SRP19: variants seen among roughly 807,000 people sequenced by gnomAD.
SRP19 encodes the protein signal recognition particle 19.
SRP19 carries 11 observed loss-of-function variants against 22.4 expected under a neutral mutation model. That is an observed-to-expected ratio of 0.49 (90% confidence interval 0.31 to 0.81). SRP19 has a LOEUF of 0.81. SRP19 is among the 40% of genes least tolerant of loss of function. The probability of loss-of-function intolerance (pLI) is 0.05; values close to 1 mark genes in which losing one functional copy is unlikely to be tolerated. For missense variants in SRP19, 168 were observed against 175.9 expected (o/e 0.96, Z 0.25); for synonymous variants, 61 against 57.6 (o/e 1.06, Z -0.27).
At chr5:112,895,459 A>G (rs1302973993), downstream of SRP19, 1 of 148,574 alleles carries the variant, frequency 6.7e-6, no homozygotes, top group African/African-American at 2.6e-5. Flanking sequence ...CCAACCCTTC[A>G]GCAATCCAGA....
intron 4 of SRP19, among the ~76,000 whole-genome samples, chr5:112,880,393 G>T (rs893445104): frequency 3.9e-5 from 6 of 152,168 alleles, no homozygotes; most frequent in African/African-American, 1.4e-4. Flanking sequence ...AAGCCTCCAG[G>T]GCCCACTGTG....
chr5:112,873,448 G>C (rs562039853), downstream of SRP19, among the ~76,000 whole-genome samples: 3 of 149,310 alleles, frequency 2.0e-5, no homozygotes, highest in South Asian at 6.4e-4. Flanking sequence ...CTGGGTTCAA[G>C]CGATTCTCCT....
exon 5 of SRP19, chr5:112,891,904 G>A: frequency 1.5e-6 from 2 of 1,316,596 alleles, no homozygotes; most frequent in Non-Finnish European, 2.2e-6. Flanking sequence ...GAAGGCACAA[G>A]AAGAATTCAG....
downstream of SRP19, among the ~76,000 whole-genome samples, chr5:112,871,035 G>C (rs2150029164): frequency 6.6e-6 from 1 of 152,148 alleles, no homozygotes; most frequent in East Asian, 1.9e-4. Context: ...GTAGTTTTTA[G>C]TAAAGATGGG....
At chr5:112,874,152 T>C (rs1480563605), downstream of SRP19, among the ~76,000 whole-genome samples, 1 of 151,922 alleles carries the variant, frequency 6.6e-6, no homozygotes, top group East Asian at 1.9e-4. Context: ...GGTGACAGAG[T>C]GAGTCCTTGT....
intron 4 of SRP19, among the ~76,000 whole-genome samples, chr5:112,886,559 G>A (rs1278640547): frequency 2.6e-5 from 4 of 152,168 alleles, no homozygotes; most frequent in African/African-American, 9.7e-5. Context: ...TTCAAGTAAA[G>A]ATCAAGAATT....
In SRP19 at chr5:112,878,852, A is replaced by T. The variant is rs1439203844; in HGVS notation, c.302-12751A>T. 2.5e-6 allele frequency: 4 copies of T among 1,613,728 alleles called. No individual in the cohort carries two copies. The African/African-American group carries it at 5.3e-5, about 22-fold the overall frequency. On this transcript the variant is annotated intron_variant, in intron 4 of 4. Coordinates refer to the SRP19 transcript ENST00000391338. ...CTTTCTTCGCTGTTTGTTTGTTAGG[A>T]GGGAAAGAAAAATATATCAAAGCTC... is the stretch of plus-strand genomic sequence containing the variant.
exon 5 of SRP19, chr5:112,892,535 G>T: frequency 6.2e-7 from 1 of 1,614,212 alleles, no homozygotes; most frequent in Non-Finnish European, 8.5e-7. Flanking sequence ...TGGTATGCAG[G>T]ACGACAGCTG....
At chr5:112,897,248 A>G (rs909439278), downstream of SRP19, 1 of 152,094 alleles carries the variant, frequency 6.6e-6, no homozygotes, top group Non-Finnish European at 1.5e-5. Context: ...GTTTTTATTT[A>G]TATACACAGA....
At chr5:112,897,419 G>A (rs1768726198), downstream of SRP19, 1 of 150,448 alleles carries the variant, frequency 6.6e-6, no homozygotes, top group Non-Finnish European at 1.5e-5. Flanking sequence ...GGACAACAAG[G>A]ACTTTGTTTT....
downstream of SRP19, chr5:112,893,737 GCA>G (rs1768581012): frequency 6.6e-6 from 1 of 152,232 alleles, no homozygotes; most frequent in African/African-American, 2.4e-5. Context: ...TCAGCCTTCT[GCA>G]CACACACAAT....
chr5:112,895,497 T>TAAGGC (rs1554093828), downstream of SRP19: 1 of 151,292 alleles, frequency 6.6e-6, no homozygotes, highest in African/African-American at 2.4e-5. Flanking sequence ...CTGGATGAAT[T>TAAGGC]AAGTGTCCAC....
At chr5:112,870,277 A>G (rs1767728608), downstream of SRP19, among the ~76,000 whole-genome samples, 2 of 152,112 alleles carry the variant, frequency 1.3e-5, no homozygotes, top group Admixed American at 1.3e-4. Context: ...ACTGAAGTCC[A>G]GGAAGTCGGG....
rs148613071 is a variant in SRP19, at chr5:112,869,256, A to G, written c.*1719A>G. 16 of 152,260 alleles carry G rather than the reference A, an allele frequency of 1.1e-4. No individual in the cohort carries two copies. In the East Asian group the frequency reaches 2.9e-3, roughly 28 times the overall value. The allele number at this position is 152,260 out of a possible 1,614,324, so 9.4% of individuals were successfully genotyped here. A position where few individuals can be genotyped will look rare whatever the true frequency, so the allele number is the denominator to read the frequency against. ...CTTTATGATTATTGTTCCTGCTTGT[A>G]AAAGGGCTGATATTTACATGAGTGC... is the stretch of plus-strand genomic sequence containing the variant. On this transcript the variant is annotated 3_prime_UTR_variant, in exon 5 of 5. Transcript: ENST00000505459.
chr5:112,873,501 C>G (rs1002298684), downstream of SRP19, among the ~76,000 whole-genome samples: 3 of 151,778 alleles, frequency 2.0e-5, no homozygotes, highest in Non-Finnish European at 4.4e-5. Flanking sequence ...CATGCGGCAT[C>G]AAGCCTGGCT....
downstream of SRP19, chr5:112,896,186 G>C (rs1054199514): frequency 2.6e-5 from 4 of 152,634 alleles, no homozygotes; most frequent in African/African-American, 9.6e-5. Context: ...CGTGTTAAAG[G>C]AAAGATTTCC....
At chr5:112,880,052 C>G (rs755387160) in intron 4 of SRP19, among the ~76,000 whole-genome samples, 1 of 152,104 alleles carries the variant, frequency 6.6e-6, no homozygotes, top group African/African-American at 2.4e-5. Flanking sequence ...TGCCACCATT[C>G]TCTCCTATGA....
chr5:112,873,266 GTTT>G (rs368480211), downstream of SRP19, among the ~76,000 whole-genome samples: 2 of 32,908 alleles, frequency 6.1e-5, no homozygotes, highest in Non-Finnish European at 1.1e-4. Context: ...TGATCCTCAG[GTTT>G]TCTTTTTTTT....
downstream of SRP19, among the ~76,000 whole-genome samples, chr5:112,872,720 T>C (rs1466225029): frequency 1.3e-5 from 2 of 152,208 alleles, no homozygotes. Context: ...GTTCTCACCA[T>C]TGTCTGGAGT....
Sources: gnomAD v4.1 joint callset for allele counts (sites outside exome capture counted in the v4.1 genomes callset) on GRCh38, gnomAD v4.1.1 for gene constraint, MANE v1.5 for transcripts, NCBI Gene and HGNC (gene_info 2026-07-23, HGNC 2026-07-21) for gene names.